FAM118B: variants seen among roughly 807,000 people sequenced by gnomAD.
FAM118B encodes the protein SIR2 antiphage like 1, also known as protein FAM118B.
In FAM118B, 24 loss-of-function variants were observed where a neutral mutation model predicts 38.5. The ratio of observed to expected loss-of-function variants is 0.62; its 90% CI spans 0.45 to 0.88. The LOEUF (loss-of-function observed/expected upper bound fraction) is 0.88. FAM118B is among the 40% of genes least tolerant of loss of function. FAM118B has a pLI of 0.00. For synonymous variants in FAM118B, 138 were observed against 156.3 expected (o/e 0.88, Z 0.87); for missense variants, 334 against 420.0 (o/e 0.80, Z 1.79).
intron 1 of FAM118B, among the ~76,000 whole-genome samples, chr11:126,223,957 TC>T (rs1950103518): frequency 6.6e-6 from 1 of 152,256 alleles, no homozygotes; most frequent in African/African-American, 2.4e-5. Flanking sequence ...TACACAGTTT[TC>T]CCATTTGTTC....
intron 4 of FAM118B, among the ~76,000 whole-genome samples, chr11:126,241,451 A>G (rs778907264): frequency 6.6e-6 from 1 of 152,192 alleles, no homozygotes. Flanking sequence ...TTCTTTTTAG[A>G]GGTAATAAGT....
chr11:126,230,364 T>A (rs1326737188), intron 2 of FAM118B, among the ~76,000 whole-genome samples: 1 of 152,250 alleles, frequency 6.6e-6, no homozygotes, highest in Non-Finnish European at 1.5e-5. Context: ...AAAACCCAGA[T>A]GTGTTGGAAT....
intron 4 of FAM118B, among the ~76,000 whole-genome samples, chr11:126,241,544 T>G (rs965806350): frequency 2.0e-5 from 3 of 151,928 alleles, no homozygotes; most frequent in South Asian, 2.1e-4. Context: ...GTCTGAAAAT[T>G]TATTTATTTA....
At position 126,262,190 on chromosome 11, in the gene FAM118B, G is replaced by T. The variant is rs1950715404; in HGVS notation, c.*57G>T. 1.3e-6 allele frequency: 2 copies of T among 1,582,432 alleles called. No individual in the cohort carries two copies. Among genetic ancestry groups the T allele is most frequent in the Admixed American group, 1.7e-5 (1 of 58,972 alleles). On this transcript the variant is annotated 3_prime_UTR_variant, in exon 9 of 9. Transcript: ENST00000533050. ...AAGCTGTAAGGCCCTACTACAGACA[G>T]TGTTTAACAAGTAAACTTACAAGAA...
At chr11:126,241,291 T>C (rs1036408494) in intron 4 of FAM118B, 1 of 381,268 alleles carries the variant, frequency 2.6e-6, no homozygotes, top group African/African-American at 2.0e-5. Context: ...ACTTTATATG[T>C]ACAAATTACC....
At chr11:126,224,700 G>A (rs779139460) in intron 1 of FAM118B, among the ~76,000 whole-genome samples, 9 of 152,150 alleles carry the variant, frequency 5.9e-5, no homozygotes, top group Non-Finnish European at 1.0e-4. Context: ...CCAGGCAGAA[G>A]GAATGATCTA....
rs188425858 is a variant in FAM118B, at chr11:126,254,437, A to G, written c.696+4A>G. 1.9e-6 allele frequency: 3 copies of G among 1,614,062 alleles called. No individual in the cohort carries two copies. The highest frequency in any genetic ancestry group is 2.2e-5 in the East Asian group (1 of 44,882). ...GCTCAGGAACACTGAAGTCATGGTG[A>G]GTGGGGCTGATCTTGCTGGTCTCAG... is the stretch of plus-strand genomic sequence containing the variant. On this transcript the variant is annotated splice_donor_region_variant and intron_variant, in intron 6 of 8. Coordinates refer to ENST00000533050, the MANE Select transcript of FAM118B (RefSeq NM_024556.4).
At chr11:126,235,152 A>G (rs2135156890) in intron 3 of FAM118B, 65 bp downstream of exon 3, 1 of 1,305,098 alleles carries the variant, frequency 7.7e-7, no homozygotes, top group Non-Finnish European at 1.1e-6. Context: ...AAAATAGCCA[A>G]CTTATACCTT....
At chr11:126,229,391 C>T (rs901757241) in intron 2 of FAM118B, 98 bp downstream of exon 2, 2 of 152,088 alleles carry the variant, frequency 1.3e-5, no homozygotes, top group Non-Finnish European at 2.9e-5. Context: ...TATACATATG[C>T]GTTACTTTGG....
chr11:126,217,055 G>A (rs1949988401), intron 1 of FAM118B, among the ~76,000 whole-genome samples: 2 of 152,220 alleles, frequency 1.3e-5, no homozygotes, highest in Non-Finnish European at 2.9e-5. Context: ...AACCTAGCAG[G>A]CACATCTTTG....
rs763609294 is a variant in FAM118B, at chr11:126,256,545, A to G, written c.697-22A>G. 2 of 1,609,518 alleles carry G rather than the reference A, an allele frequency of 1.2e-6. No individual in the cohort carries two copies. Among genetic ancestry groups the G allele is most frequent in the Admixed American group, 1.7e-5 (1 of 59,494 alleles). Reference sequence around the variant, plus strand: ...TTGAGTGTGTCTTCACAATGTCAATATGTTGTATCTTTTCCTTCCAGAGAG... The same window carrying G: ...TTGAGTGTGTCTTCACAATGTCAATGTGTTGTATCTTTTCCTTCCAGAGAG... On this transcript the variant is annotated intron_variant, in intron 6 of 8. Coordinates refer to ENST00000533050, the MANE Select transcript of FAM118B (RefSeq NM_024556.4). This position sits in a 1 kb window ranked among gnomAD's most constrained non-coding sequence, Gnocchi z 6.6.
chr11:126,212,371 G>A (rs373179833), intron 1 of FAM118B, among the ~76,000 whole-genome samples: 1 of 152,130 alleles, frequency 6.6e-6, no homozygotes, highest in Non-Finnish European at 1.5e-5. Context: ...AAAGAACGGA[G>A]CACAGACCTT....
At chr11:126,257,875 T>G (rs768181185) in intron 7 of FAM118B, among the ~76,000 whole-genome samples, 2 of 152,164 alleles carry the variant, frequency 1.3e-5, no homozygotes, top group Non-Finnish European at 2.9e-5. Context: ...AAATGGTGAT[T>G]AAAGATTCAG....
At chr11:126,220,976 C>T (rs775275079) in intron 1 of FAM118B, among the ~76,000 whole-genome samples, 2 of 152,128 alleles carry the variant, frequency 1.3e-5, no homozygotes, top group Non-Finnish European at 2.9e-5. Flanking sequence ...CGCTTGAGGC[C>T]AGGAGTTTGA....
Position 126,262,108 on chromosome 11 carries a change from T to C in FAM118B, c.1043-12T>C. On this transcript the variant is annotated splice_polypyrimidine_tract_variant and intron_variant, in intron 8 of 8. Transcript: ENST00000533050. The stretch of plus-strand genomic sequence containing the variant: ...GAAACTTCATTTTGTTCTCTTTTCT[T>C]TCTCCCTACAGGCTGTAGTACATGA... 1 of 1,614,080 alleles carries C rather than the reference T, an allele frequency of 6.2e-7. No homozygotes were observed. Among genetic ancestry groups the C allele is most frequent in the Non-Finnish European group, 8.5e-7 (1 of 1,179,954 alleles).
chr11:126,215,466 A>G (rs754203096), intron 1 of FAM118B, among the ~76,000 whole-genome samples: 1 of 152,122 alleles, frequency 6.6e-6, no homozygotes, highest in Non-Finnish European at 1.5e-5. Flanking sequence ...TGGGAGGCCG[A>G]GGTGGGCGGA....
chr11:126,242,024 C>CAAAAA (rs60865966), intron 4 of FAM118B, among the ~76,000 whole-genome samples: 1 of 88,418 alleles, frequency 1.1e-5, no homozygotes, highest in Non-Finnish European at 2.3e-5. Flanking sequence ...GACTCCGTCT[C>CAAAAA]AAAAAAAAAA....
intron 4 of FAM118B, among the ~76,000 whole-genome samples, chr11:126,246,721 T>TTGAGCTACC (rs1950423570): frequency 6.6e-6 from 1 of 152,158 alleles, no homozygotes; most frequent in Non-Finnish European, 1.5e-5. Flanking sequence ...GATTACAGGC[T>TTGAGCTACC]TGAGCTACCA....
At chr11:126,213,089 G>A (rs531511743) in intron 1 of FAM118B, among the ~76,000 whole-genome samples, 2 of 152,086 alleles carry the variant, frequency 1.3e-5, no homozygotes, top group South Asian at 2.1e-4. Flanking sequence ...AGGTCAAGGC[G>A]TACTCTTGGC....
Sources: allele counts gnomAD v4.1 joint callset (sites outside exome capture counted in the v4.1 genomes callset), GRCh38; gene constraint gnomAD v4.1.1; non-coding constraint Gnocchi (gnomAD v3.1); transcripts MANE v1.5; gene names NCBI Gene and HGNC (gene_info 2026-07-23, HGNC 2026-07-21).